Variants in ADAMTS19 observed in about 807,000 individuals in gnomAD.
ADAMTS19 encodes the protein ADAM metallopeptidase with thrombospondin type 1 motif 19.
ADAMTS19 carries 93 observed loss-of-function variants against 153.3 expected under a neutral mutation model. The ratio of observed to expected loss-of-function variants is 0.61; its 90% CI spans 0.51 to 0.72. ADAMTS19 has a LOEUF of 0.72. Ranked by LOEUF, ADAMTS19 falls within the 30% of genes least tolerant of loss-of-function variation. The pLI is 0.00. For missense variants in ADAMTS19, 1,482 were observed against 1,552.1 expected (o/e 0.95, Z 0.76); for synonymous variants, 600 against 556.6 (o/e 1.08, Z -1.10).
chr5:129,567,451 G>T (rs957628341), intron 7 of ADAMTS19, among the ~76,000 whole-genome samples: 1 of 152,102 alleles, frequency 6.6e-6, no homozygotes, highest in Non-Finnish European at 1.5e-5. Context: ...GATCTAACAA[G>T]TAAGGGCAAG....
intron 8 of ADAMTS19, among the ~76,000 whole-genome samples, chr5:129,608,114 G>GTATATATATATATATA (rs1235116462): frequency 9.0e-4 from 26 of 28,732 alleles, no homozygotes; most frequent in South Asian, 3.7e-3. Flanking sequence ...GTGTGTGTGT[G>GTATATATATATATATA]TGTATATATA....
intron 2 of ADAMTS19, among the ~76,000 whole-genome samples, chr5:129,488,623 T>C (rs1223867345): frequency 2.0e-5 from 3 of 152,106 alleles, no homozygotes; most frequent in Non-Finnish European, 4.4e-5. Flanking sequence ...AAAATAATTC[T>C]GAAGTCATTG....
chr5:129,695,824 G>GT (rs1447179217), intron 19 of ADAMTS19, among the ~76,000 whole-genome samples: 2 of 152,168 alleles, frequency 1.3e-5, no homozygotes, highest in East Asian at 3.9e-4. Context: ...GGAAAGAGTT[G>GT]TAAGTTCTTA....
At chr5:129,734,888 A>G (rs769856860) in intron 21 of ADAMTS19, 44 bp from the exon 22 acceptor site, 2 of 1,442,580 alleles carry the variant, frequency 1.4e-6, no homozygotes, top group Admixed American at 5.2e-5. Context: ...ACAGCAAAAA[A>G]TAAAAATAAA....
At chr5:129,672,774 G>T (rs929224636) in intron 16 of ADAMTS19, among the ~76,000 whole-genome samples, 3 of 151,296 alleles carry the variant, frequency 2.0e-5, no homozygotes, top group Non-Finnish European at 2.9e-5. Context: ...GACTTATATG[G>T]TTACTAAGTT....
At chr5:129,553,577 G>A (rs1023944347) in intron 7 of ADAMTS19, among the ~76,000 whole-genome samples, 3 of 151,932 alleles carry the variant, frequency 2.0e-5, no homozygotes, top group Non-Finnish European at 2.9e-5. Context: ...TACAGCATAG[G>A]GTGTGAAAAG....
chr5:129,735,637 C>T (rs1342582557), intron 22 of ADAMTS19, among the ~76,000 whole-genome samples: 3 of 151,990 alleles, frequency 2.0e-5, no homozygotes, highest in African/African-American at 7.2e-5. Context: ...ATAAAAAATA[C>T]ATTCTAGTAA....
In ADAMTS19 at chr5:129,702,821, A is replaced by G. The variant is rs527443461; in HGVS notation, c.3159+1229A>G. Among the ~76,000 whole-genome samples the G allele has an allele frequency of 7.3e-5, 11 of 151,374 alleles. No homozygotes were observed. In the South Asian group the frequency reaches 2.3e-3, roughly 31 times the overall value. ...TTCTACTATACAGATTTTTGGCACCAGCTGAGAGAAATAATATGTCATAAT... is the reference window on the plus strand; with the variant it reads ...TTCTACTATACAGATTTTTGGCACCGGCTGAGAGAAATAATATGTCATAAT... On this transcript the variant is annotated intron_variant, in intron 20 of 22. Transcript: ENST00000274487.
At chr5:129,484,738 C>G (rs1460095215) in intron 2 of ADAMTS19, among the ~76,000 whole-genome samples, 1 of 151,970 alleles carries the variant, frequency 6.6e-6, no homozygotes, top group Non-Finnish European at 1.5e-5. Context: ...CTTAAGTGTA[C>G]ATGTGCAAGA....
intron 10 of ADAMTS19, among the ~76,000 whole-genome samples, chr5:129,624,536 A>C (rs1751936688): frequency 6.6e-6 from 1 of 152,182 alleles, no homozygotes; most frequent in Non-Finnish European, 1.5e-5. Context: ...ATTGCACAGG[A>C]GACAGTTTCA....
chr5:129,477,028 G>T (rs920383992), intron 2 of ADAMTS19, among the ~76,000 whole-genome samples: 10 of 152,152 alleles, frequency 6.6e-5, no homozygotes, highest in Non-Finnish European at 1.2e-4. Flanking sequence ...TAAGTCTTTT[G>T]CTTTAGAATA....
intron 13 of ADAMTS19, among the ~76,000 whole-genome samples, chr5:129,649,632 G>C (rs1753225378): frequency 6.6e-6 from 1 of 152,068 alleles, no homozygotes; most frequent in East Asian, 1.9e-4. Flanking sequence ...CTAATGAATA[G>C]TTTCAGACCT....
rs762745159 is a variant in ADAMTS19, at chr5:129,530,817, G to GA, written c.1328+2152dup. ...GATCATAACCAGTGCAGTAAAGCAG[G>GA]AAAAAAAAAAAAGGAAAAGCATACA... On this transcript the variant is annotated intron_variant, in intron 6 of 22. Transcript: ENST00000274487. Among the ~76,000 whole-genome samples, 620 of 130,330 alleles carry GA rather than the reference G, an allele frequency of 4.8e-3. 4 individuals are homozygous for GA. Among genetic ancestry groups the GA allele is most frequent in the African/African-American group, 0.011 (403 of 35,766 alleles). 85.5% of individuals were successfully genotyped at this position (130,330 alleles called of 152,430 possible). A position where few individuals can be genotyped will look rare whatever the true frequency, so the allele number is the denominator to read the frequency against.
intron 7 of ADAMTS19, among the ~76,000 whole-genome samples, chr5:129,590,955 C>G (rs761605349): frequency 2.6e-5 from 4 of 152,316 alleles, no homozygotes; most frequent in Admixed American, 6.5e-5. Flanking sequence ...TTAACACACC[C>G]TTTACTGAGG....
intron 10 of ADAMTS19, among the ~76,000 whole-genome samples, chr5:129,624,408 T>C (rs1751931477): frequency 6.6e-6 from 1 of 152,170 alleles, no homozygotes; most frequent in Non-Finnish European, 1.5e-5. Flanking sequence ...ATCTTCATGG[T>C]AAAATGAAAG....
At chr5:129,681,030 G>T (rs982518544) in intron 17 of ADAMTS19, among the ~76,000 whole-genome samples, 1 of 152,116 alleles carries the variant, frequency 6.6e-6, no homozygotes, top group Admixed American at 6.5e-5. Context: ...TCTAAAACAC[G>T]ATCAATTAAC....
intron 14 of ADAMTS19, among the ~76,000 whole-genome samples, chr5:129,654,731 A>T (rs1753469347): frequency 6.6e-6 from 1 of 152,112 alleles, no homozygotes; most frequent in Non-Finnish European, 1.5e-5. Context: ...TGGACATTTT[A>T]TGTCAAAATA....
intron 14 of ADAMTS19, among the ~76,000 whole-genome samples, chr5:129,658,327 AAGAAAGAAAGAAAGAAAG>A (rs1367700860): frequency 3.9e-4 from 46 of 117,030 alleles, no homozygotes; most frequent in East Asian, 3.8e-3. Flanking sequence ...GAAAGAAAGA[AAGAAAGAAAGAAAGAAAG>A]AAAGAAAGAA....
intron 2 of ADAMTS19, among the ~76,000 whole-genome samples, chr5:129,490,572 A>G (rs1750730548): frequency 1.3e-5 from 2 of 152,180 alleles, no homozygotes; most frequent in Admixed American, 1.3e-4. Flanking sequence ...AATCAAAGGT[A>G]TATAGAATTA....
Sources: gnomAD v4.1 joint callset for allele counts (sites outside exome capture counted in the v4.1 genomes callset) on GRCh38, gnomAD v4.1.1 for gene constraint, MANE v1.5 for transcripts, NCBI Gene and HGNC (gene_info 2026-07-23, HGNC 2026-07-21) for gene names.